Variants in EYS observed in about 807,000 individuals in gnomAD.
EYS encodes protein eyes shut homolog.
EYS carries 250 observed loss-of-function variants against 282.1 expected under a neutral mutation model. The observed-to-expected ratio is 0.89, with a 90% CI of 0.80 to 0.98. The LOEUF is 0.98. Among genes scored for constraint, EYS ranks in the 50% least tolerant of loss-of-function variants. The pLI is 0.00. For synonymous variants in EYS, 1,355 were observed against 1,282.9 expected (o/e 1.06, Z -1.20); for missense variants, 4,016 against 3,709.0 (o/e 1.08, Z -2.15).
chr6:65,204,751 T>C (rs1373691178), intron 12 of EYS, among the ~76,000 whole-genome samples: 2 of 151,094 alleles, frequency 1.3e-5, no homozygotes, highest in Admixed American at 1.3e-4. Flanking sequence ...TACTTAAATA[T>C]TAACCATGTA....
intron 26 of EYS, among the ~76,000 whole-genome samples, chr6:64,505,599 A>G (rs1777182555): frequency 6.6e-6 from 1 of 152,134 alleles, no homozygotes. Flanking sequence ...TGTTATGTCC[A>G]CTTGTCTTTT....
At chr6:64,157,697 G>T (rs1021962060) in intron 31 of EYS, among the ~76,000 whole-genome samples, 3 of 152,130 alleles carry the variant, frequency 2.0e-5, no homozygotes, top group Non-Finnish European at 4.4e-5. Context: ...GGCTTGGAGA[G>T]GTGTTGAGCC....
At chr6:63,993,019 T>G (rs1478088948) in intron 34 of EYS, among the ~76,000 whole-genome samples, 1 of 151,698 alleles carries the variant, frequency 6.6e-6, no homozygotes, top group Non-Finnish European at 1.5e-5. Flanking sequence ...TCATTCTCCT[T>G]CCTGCCTTAC....
rs533752062 is a variant in EYS, at chr6:63,986,221, GATACCAT to G, written c.6835-1625_6835-1619del. Among the ~76,000 whole-genome samples, 412 of 151,814 alleles carry G rather than the reference GATACCAT, an allele frequency of 2.7e-3. 2 individuals carry two copies. The highest frequency in any genetic ancestry group is 9.5e-3 in the African/African-American group (394 of 41,424). The stretch of plus-strand genomic sequence containing the variant: ...GAAATGCAAATCAAAACCACAATGA[GATACCAT>G]CTCACACCAGTCAGAAGGGTTACTA... On this transcript the variant is annotated intron_variant, in intron 34 of 42. Transcript: ENST00000503581.
chr6:65,540,604 G>A (rs1366459548), intron 2 of EYS, among the ~76,000 whole-genome samples: 2 of 152,132 alleles, frequency 1.3e-5, no homozygotes, highest in African/African-American at 4.8e-5. Flanking sequence ...TATATAGTAG[G>A]AAGCAATATT....
At chr6:65,616,794 A>C (rs968588303) in intron 2 of EYS, among the ~76,000 whole-genome samples, 5 of 152,106 alleles carry the variant, frequency 3.3e-5, no homozygotes, top group East Asian at 3.9e-4. Flanking sequence ...AAAAAAACAA[A>C]AAAAAAAAGT....
rs888641755 is a variant in EYS, at chr6:64,309,561, C to CT, written c.6079-2480dup. Among the ~76,000 whole-genome samples the CT allele has an allele frequency of 1.6e-3, 237 of 144,286 alleles. 1 individual carries two copies. The highest frequency in any genetic ancestry group is 5.5e-3 in the African/African-American group (209 of 37,834). 94.7% of individuals were successfully genotyped at this position (144,286 alleles called of 152,430 possible). ...TATTTAGCTTCCAAATAAATTCCCA[C>CT]TTTTTTTTTCACTTTAAATATACAA... On this transcript the variant is annotated intron_variant, in intron 29 of 42. Transcript: ENST00000503581.
chr6:65,648,849 G>T (rs1367018887), intron 1 of EYS, among the ~76,000 whole-genome samples: 1 of 151,960 alleles, frequency 6.6e-6, no homozygotes, highest in African/African-American at 2.4e-5. Flanking sequence ...GGGAACAAAA[G>T]ATTTTTAAAA....
intron 26 of EYS, among the ~76,000 whole-genome samples, chr6:64,584,375 A>G (rs1175644858): frequency 6.6e-6 from 1 of 151,624 alleles, no homozygotes; most frequent in Non-Finnish European, 1.5e-5. Flanking sequence ...CCATATTATG[A>G]TAATAGTTGT....
chr6:64,453,261 T>C (rs185427143), intron 26 of EYS, among the ~76,000 whole-genome samples: 42,137 of 151,948 alleles, frequency 0.28, 5,975 homozygotes, highest in East Asian at 0.46. Context: ...AAAAAATGCT[T>C]ATCATCACTG....
chr6:65,468,693 G>C (rs945265737), intron 5 of EYS, among the ~76,000 whole-genome samples: 3 of 144,058 alleles, frequency 2.1e-5, no homozygotes, highest in African/African-American at 7.3e-5. Context: ...CATATACCTT[G>C]ATATACCTAT....
At chr6:63,953,149 C>G (rs1765671034) in intron 35 of EYS, among the ~76,000 whole-genome samples, 1 of 152,106 alleles carries the variant, frequency 6.6e-6, no homozygotes, top group East Asian at 1.9e-4. Context: ...TTCACTATTC[C>G]CCTGCACCCC....
intron 13 of EYS, among the ~76,000 whole-genome samples, chr6:65,050,091 T>A (rs1271473570): frequency 2.6e-5 from 4 of 151,494 alleles, no homozygotes; most frequent in Non-Finnish European, 4.4e-5. Flanking sequence ...ATTAAATACA[T>A]GTTTGGCCAA....
At chr6:65,092,588 A>T (rs924508456) in intron 12 of EYS, among the ~76,000 whole-genome samples, 1 of 152,180 alleles carries the variant, frequency 6.6e-6, no homozygotes, top group African/African-American at 2.4e-5. Context: ...TAGCTCTTTA[A>T]TTAGATATCA....
intron 24 of EYS, among the ~76,000 whole-genome samples, chr6:64,613,997 G>A (rs1420174092): frequency 6.7e-6 from 1 of 149,320 alleles, no homozygotes; most frequent in Admixed American, 6.7e-5. Context: ...CTAAGGGAAT[G>A]GGGTACAGAG....
At chr6:64,125,508 C>T (rs1296600712) in intron 31 of EYS, among the ~76,000 whole-genome samples, 4 of 151,578 alleles carry the variant, frequency 2.6e-5, no homozygotes, top group African/African-American at 7.3e-5. Context: ...CGGCCGGGCG[C>T]GGTGGCTCAC....
chr6:64,282,760 G>T (rs748252472), intron 30 of EYS, among the ~76,000 whole-genome samples: 3 of 152,126 alleles, frequency 2.0e-5, no homozygotes, highest in Non-Finnish European at 4.4e-5. Flanking sequence ...ACTACTGAGA[G>T]AAAATGTTCT....
At chr6:64,819,997 A>C (rs1300364100) in intron 21 of EYS, among the ~76,000 whole-genome samples, 1 of 152,084 alleles carries the variant, frequency 6.6e-6, no homozygotes, top group Admixed American at 6.6e-5. Flanking sequence ...AAATAATGAC[A>C]AATTACATTC....
At chr6:64,659,915 C>T (rs1768929098) in intron 22 of EYS, among the ~76,000 whole-genome samples, 1 of 152,164 alleles carries the variant, frequency 6.6e-6, no homozygotes, top group South Asian at 2.1e-4. Flanking sequence ...ATACCAAAGC[C>T]TGGCAGAGAC....
Sources: allele counts gnomAD v4.1 joint callset (sites outside exome capture counted in the v4.1 genomes callset), GRCh38; gene constraint gnomAD v4.1.1; transcripts MANE v1.5; gene names NCBI Gene and HGNC (gene_info 2026-07-23, HGNC 2026-07-21).